SLC5A1: variants seen among roughly 807,000 people sequenced by gnomAD.
SLC5A1 encodes sodium/glucose cotransporter 1.
A neutral mutation model predicts 73.5 loss-of-function variants in SLC5A1; 42 were observed. The ratio of observed to expected loss-of-function variants is 0.57; its 90% CI spans 0.45 to 0.74. The LOEUF (loss-of-function observed/expected upper bound fraction) is 0.74, where lower values mean the gene tolerates loss of function less well. Ranked by LOEUF, SLC5A1 falls within the 30% of genes least tolerant of loss-of-function variation. SLC5A1 has a pLI of 0.00. For synonymous variants in SLC5A1, 300 were observed against 317.4 expected (o/e 0.95, Z 0.58); for missense variants, 634 against 855.4 (o/e 0.74, Z 3.23).
chr22:32,077,041 G>A (rs1288478015), intron 5 of SLC5A1, among the ~76,000 whole-genome samples: 60 of 152,216 alleles, frequency 3.9e-4, no homozygotes, highest in Non-Finnish European at 7.3e-5. Context: ...GAGTGTGACA[G>A]AGACAGTAAA....
chr22:32,089,817 A>G (rs1285092036), intron 10 of SLC5A1, among the ~76,000 whole-genome samples: 1 of 152,162 alleles, frequency 6.6e-6, no homozygotes, highest in Non-Finnish European at 1.5e-5. Context: ...CTGAAACTGT[A>G]AAACTCTTGT....
At position 32,110,171 on chromosome 22, in the gene SLC5A1, C is replaced by T; in HGVS notation, c.1953C>T (p.Ile651=). ...WRTVLNVNGI[I]LVTVAVFCHA... ...CAGTGTTGAACGTCAATGGCATCAT[C>T]CTGGTGACCGTGGCTGTCTTTTGCC... Residue 651 remains isoleucine (I), a synonymous_variant, in exon 15 of 15, where the codon ATC becomes ATT. Transcript: ENST00000266088. 1 of 1,614,150 alleles carries T rather than the reference C, an allele frequency of 6.2e-7. No homozygotes were observed. The highest frequency in any genetic ancestry group is 8.5e-7 in the Non-Finnish European group (1 of 1,179,994).
intron 10 of SLC5A1, 71 bp from the exon 11 acceptor site, chr22:32,091,541 C>T: frequency 6.4e-7 from 1 of 1,557,008 alleles, no homozygotes; most frequent in Non-Finnish European, 8.9e-7. Flanking sequence ...ATCTTGAGTC[C>T]TCATATATTT....
intron 7 of SLC5A1, 33 bp downstream of exon 7, chr22:32,083,187 G>T: frequency 6.3e-7 from 1 of 1,585,232 alleles, no homozygotes; most frequent in Non-Finnish European, 8.7e-7. Context: ...GAGGAGGTGG[G>T]AGCAGAGGTA....
intron 9 of SLC5A1, among the ~76,000 whole-genome samples, 153 bp from the exon 10 acceptor site, chr22:32,086,067 G>A (rs1215093577): frequency 6.6e-6 from 1 of 152,034 alleles, no homozygotes; most frequent in Non-Finnish European, 1.5e-5. Flanking sequence ...CGTGAACCCG[G>A]GAGGCAGAGC....
intron 1 of SLC5A1, among the ~76,000 whole-genome samples, chr22:32,048,244 A>C (rs1201594327): frequency 6.6e-6 from 1 of 152,170 alleles, no homozygotes; most frequent in Non-Finnish European, 1.5e-5. Context: ...AGAGAAGCCA[A>C]TAACACAGAA....
chr22:32,060,394 A>G (rs1232632043), intron 2 of SLC5A1, among the ~76,000 whole-genome samples: 4 of 152,078 alleles, frequency 2.6e-5, no homozygotes, highest in African/African-American at 9.7e-5. Flanking sequence ...GGGTTTCACC[A>G]TGTTGACCAT....
intron 5 of SLC5A1, among the ~76,000 whole-genome samples, chr22:32,077,858 A>G (rs2093993475): frequency 6.6e-6 from 1 of 152,204 alleles, no homozygotes; most frequent in African/African-American, 2.4e-5. Flanking sequence ...ATAGCCATAA[A>G]GAATATATTC....
At chr22:32,104,951 T>C (rs2094042872) in intron 14 of SLC5A1, 60 bp downstream of exon 14, 4 of 1,156,656 alleles carry the variant, frequency 3.5e-6, no homozygotes, top group Non-Finnish European at 5.2e-6. Flanking sequence ...ACAACAAGAC[T>C]TTACTGAAGT....
Position 32,043,732 on chromosome 22 carries a change from A to C in SLC5A1, c.135+316A>C, listed in dbSNP as rs577614061. Among the ~76,000 whole-genome samples, 1 of 152,278 alleles carries C rather than the reference A, an allele frequency of 6.6e-6. No individual in the cohort carries two copies. Among genetic ancestry groups the C allele is most frequent in the South Asian group, 2.1e-4 (1 of 4,826 alleles). On this transcript the variant is annotated intron_variant, in intron 1 of 14. Coordinates refer to ENST00000266088, the MANE Select transcript of SLC5A1 (RefSeq NM_000343.4). The surrounding 1 kb of genome is among the most constrained non-coding windows in gnomAD (Gnocchi z 6.5). ...AAGGGGCAGGAAAGCGGCTGCTTAG[A>C]GCTACAGGGAGGGCTCTGGGGCTTG...
chr22:32,060,268 T>G (rs1378334724), intron 2 of SLC5A1, among the ~76,000 whole-genome samples: 1 of 152,010 alleles, frequency 6.6e-6, no homozygotes, highest in Non-Finnish European at 1.5e-5. Context: ...CTCGGCTCAC[T>G]GCAACCTCTG....
At chr22:32,053,528 T>C (rs1216353393) in intron 2 of SLC5A1, among the ~76,000 whole-genome samples, 1 of 152,192 alleles carries the variant, frequency 6.6e-6, no homozygotes, top group East Asian at 1.9e-4. Flanking sequence ...CACCACTCCA[T>C]GTATTCTTGG....
intron 11 of SLC5A1, among the ~76,000 whole-genome samples, chr22:32,093,133 G>A (rs1424775148): frequency 6.6e-6 from 1 of 151,880 alleles, no homozygotes; most frequent in Non-Finnish European, 1.5e-5. Context: ...TTTATTTCTG[G>A]GTTCTCTCAT....
chr22:32,080,104 G>A (rs892562812), intron 5 of SLC5A1, among the ~76,000 whole-genome samples: 7 of 152,106 alleles, frequency 4.6e-5, no homozygotes, highest in Non-Finnish European at 8.8e-5. Context: ...CTAGAGTGGC[G>A]GCACTGGGGC....
intron 2 of SLC5A1, among the ~76,000 whole-genome samples, chr22:32,050,893 G>A (rs1010779615): frequency 2.6e-5 from 4 of 152,224 alleles, no homozygotes; most frequent in Non-Finnish European, 2.9e-5. Flanking sequence ...TGTACCTTAC[G>A]TAACTGTGGG....
intron 11 of SLC5A1, among the ~76,000 whole-genome samples, chr22:32,096,601 T>G (rs1367455160): frequency 6.6e-6 from 1 of 152,252 alleles, no homozygotes; most frequent in Non-Finnish European, 1.5e-5. Flanking sequence ...CATTTCTTGT[T>G]GTCAAATGGG....
intron 5 of SLC5A1, among the ~76,000 whole-genome samples, chr22:32,080,952 C>T (rs1250662753): frequency 6.6e-6 from 1 of 152,132 alleles, no homozygotes; most frequent in African/African-American, 2.4e-5. Flanking sequence ...TGAGATCGCA[C>T]CACTGCACTC....
intron 2 of SLC5A1, among the ~76,000 whole-genome samples, chr22:32,053,282 T>C (rs1187433381): frequency 1.3e-5 from 2 of 152,170 alleles, no homozygotes; most frequent in Admixed American, 1.3e-4. Context: ...CCTTTTCTTC[T>C]CTTCCTATTA....
rs200944334 is a variant in SLC5A1, at chr22:32,099,170, G to A, written c.1281-13G>A. Reference sequence around the variant, plus strand: ...TATTTATTGACACCTTGTTGTGGGGGCTTTAATTTCAGGTTGTTTATCCTG... The same window carrying A: ...TATTTATTGACACCTTGTTGTGGGGACTTTAATTTCAGGTTGTTTATCCTG... On this transcript the variant is annotated splice_polypyrimidine_tract_variant and intron_variant, in intron 11 of 14. Transcript: ENST00000266088. 1 of 1,588,304 alleles carries A rather than the reference G, an allele frequency of 6.3e-7. No individual in the cohort carries two copies. Among genetic ancestry groups the A allele is most frequent in the South Asian group, 1.1e-5 (1 of 90,544 alleles).
Sources: allele counts gnomAD v4.1 joint callset (sites outside exome capture counted in the v4.1 genomes callset), GRCh38; gene constraint gnomAD v4.1.1; non-coding constraint Gnocchi (gnomAD v3.1); transcripts MANE v1.5; gene names NCBI Gene and HGNC (gene_info 2026-07-23, HGNC 2026-07-21).